The following SAMD5 variants were observed in gnomAD, a reference collection of about 807,000 sequenced individuals.
The protein encoded by SAMD5 is sterile alpha motif domain containing 5, also known as sterile alpha motif domain-containing protein 5.
In SAMD5, 13 loss-of-function variants were observed where a neutral mutation model predicts 11.3. The ratio of observed to expected loss-of-function variants is 1.15; its 90% CI spans 0.75 to 1.83. The LOEUF (loss-of-function observed/expected upper bound fraction) is 1.83, where lower values mean the gene tolerates loss of function less well. SAMD5 is among the 40% of genes most tolerant of loss of function. The probability of loss-of-function intolerance (pLI) is 0.00; values close to 1 mark genes in which losing one functional copy is unlikely to be tolerated. For missense variants in SAMD5, 255 were observed against 239.1 expected, an observed-to-expected ratio of 1.07 and a Z score of -0.44; for synonymous variants, 129 against 111.3, an observed-to-expected ratio of 1.16 and a Z score of -1.00.
At chr6:147,806,824 A>T in the SAMD5 span, among the ~76,000 whole-genome samples, 1 of 152,112 alleles carries the variant, frequency 6.6e-6, no homozygotes, top group Non-Finnish European at 1.5e-5. Context: ...TGAAGATTGT[A>T]TTTGGGAGGT....
At chr6:147,730,994 A>G (rs372269477) in intron 1 of SAMD5, among the ~76,000 whole-genome samples, 3 of 152,342 alleles carry the variant, frequency 2.0e-5, no homozygotes, top group African/African-American at 7.2e-5. Flanking sequence ...TGACAATAAT[A>G]GGTAAATATT....
At chr6:147,917,936 T>G in the SAMD5 span, among the ~76,000 whole-genome samples, 3 of 152,236 alleles carry the variant, frequency 2.0e-5, no homozygotes, top group African/African-American at 7.2e-5. Flanking sequence ...TGGGTACCAG[T>G]ACCATGCTGT....
the SAMD5 span, among the ~76,000 whole-genome samples, chr6:147,929,167 A>C: frequency 1.3e-5 from 2 of 152,178 alleles, no homozygotes; most frequent in African/African-American, 4.8e-5. Flanking sequence ...TACTTTGCCC[A>C]GTAAGTTCAG....
chr6:147,865,313 A>AGTGTGTGTGT, the SAMD5 span, among the ~76,000 whole-genome samples: 1 of 147,162 alleles, frequency 6.8e-6, no homozygotes. Context: ...TAGGTATATA[A>AGTGTGTGTGT]GTGTGTGTGT....
the SAMD5 span, among the ~76,000 whole-genome samples, chr6:147,804,904 AAAAG>A: frequency 6.6e-6 from 1 of 152,260 alleles, no homozygotes; most frequent in African/African-American, 2.4e-5. Context: ...AGTGAAATGA[AAAAG>A]AAAGAATTGT....
chr6:147,546,574 T>C (rs536840665), intron 1 of SAMD5, among the ~76,000 whole-genome samples: 153 of 150,496 alleles, frequency 1.0e-3, no homozygotes, highest in African/African-American at 3.4e-3. Context: ...ACTTCTGTTA[T>C]TTCTGCTTAC....
At chr6:147,777,313 G>T in the SAMD5 span, among the ~76,000 whole-genome samples, 1 of 152,088 alleles carries the variant, frequency 6.6e-6, no homozygotes, top group South Asian at 2.1e-4. Context: ...TTTTAATTAT[G>T]TTAATAATAT....
At chr6:147,666,081 G>A (rs1426894598) in intron 1 of SAMD5, among the ~76,000 whole-genome samples, 3 of 152,126 alleles carry the variant, frequency 2.0e-5, no homozygotes, top group African/African-American at 4.8e-5. Context: ...TGGGACTACA[G>A]GCGCCCGCCA....
chr6:147,856,821 CGG>C, the SAMD5 span, among the ~76,000 whole-genome samples: 8,709 of 59,176 alleles, frequency 0.15, 1,094 homozygotes, highest in African/African-American at 0.42. Context: ...TCTGGGGGCG[CGG>C]GGGGGGGGGG....
intron 1 of SAMD5, among the ~76,000 whole-genome samples, chr6:147,592,189 A>G (rs749397473): frequency 1.3e-5 from 2 of 152,034 alleles, no homozygotes; most frequent in African/African-American, 4.8e-5. Flanking sequence ...GGATCTCACT[A>G]TGTTGCCCAG....
rs182420184 is a variant in SAMD5, at chr6:147,587,458, A to G, written c.162+78071A>G. 1.3e-4 allele frequency among the ~76,000 whole-genome samples: 20 copies of G among 152,242 alleles called. No individual in the cohort carries two copies. In the South Asian group the frequency reaches 1.7e-3, roughly 13 times the overall value. On this transcript the variant is annotated intron_variant, in intron 1 of 1. Transcript: ENST00000566741. ...CATCATGACAGCCAGGTTGGTCTCA[A>G]ACTCCTGACCTCAAGTGATCCGCCT...
At chr6:147,614,231 G>A (rs1286262320) in intron 1 of SAMD5, among the ~76,000 whole-genome samples, 1 of 151,884 alleles carries the variant, frequency 6.6e-6, no homozygotes, top group African/African-American at 2.4e-5. Context: ...CATTTGGGAG[G>A]CAGAGGCGGG....
chr6:147,931,525 A>G, the SAMD5 span, among the ~76,000 whole-genome samples: 4 of 152,176 alleles, frequency 2.6e-5, no homozygotes, highest in Admixed American at 6.5e-5. Flanking sequence ...CTCCTGTATC[A>G]TAGTTGGGTT....
chr6:147,916,862 C>T, the SAMD5 span, among the ~76,000 whole-genome samples: 1 of 150,758 alleles, frequency 6.6e-6, no homozygotes, highest in Non-Finnish European at 1.5e-5. Context: ...CAATTTCATC[C>T]ATGTCCCTAC....
intron 1 of SAMD5, among the ~76,000 whole-genome samples, chr6:147,558,640 G>T (rs1234396342): frequency 6.6e-6 from 1 of 151,872 alleles, no homozygotes; most frequent in Non-Finnish European, 1.5e-5. Flanking sequence ...CCTCTCATGG[G>T]CTCTTCTGCA....
the SAMD5 span, among the ~76,000 whole-genome samples, chr6:147,901,708 G>A: frequency 0.66 from 100,291 of 151,982 alleles, 34,106 homozygotes; most frequent in African/African-American, 0.83. Flanking sequence ...GCTTCGATAG[G>A]TATAATCACT....
intron 1 of SAMD5, among the ~76,000 whole-genome samples, chr6:147,622,810 A>C (rs1213652007): frequency 6.6e-6 from 1 of 152,226 alleles, no homozygotes; most frequent in Non-Finnish European, 1.5e-5. Context: ...AAGAGATTTA[A>C]TGAACTCACA....
chr6:147,843,196 T>A, the SAMD5 span, among the ~76,000 whole-genome samples: 1 of 152,340 alleles, frequency 6.6e-6, no homozygotes, highest in East Asian at 1.9e-4. Context: ...ATATGATAAC[T>A]GTATTTAAAT....
At chr6:147,890,778 A>G in the SAMD5 span, among the ~76,000 whole-genome samples, 4 of 152,160 alleles carry the variant, frequency 2.6e-5, no homozygotes, top group Non-Finnish European at 5.9e-5. Context: ...ACAGAAGTTA[A>G]ATAATTTGTG....
Sources: allele counts gnomAD v4.1 joint callset (sites outside exome capture counted in the v4.1 genomes callset), GRCh38; gene constraint gnomAD v4.1.1; transcripts MANE v1.5; gene names NCBI Gene and HGNC (gene_info 2026-07-23, HGNC 2026-07-21).